Variants in CRTAC1 observed in about 807,000 individuals in gnomAD.
CRTAC1 encodes cartilage acidic protein 1, also known as acidic secreted protein in cartilage.
Under a neutral mutation model 67.8 loss-of-function variants are expected in CRTAC1, and 37 were observed. The observed-to-expected ratio is 0.55, with a 90% CI of 0.42 to 0.72. CRTAC1 has a LOEUF of 0.72. Ranked by LOEUF, CRTAC1 falls within the 30% of genes least tolerant of loss-of-function variation. The probability of loss-of-function intolerance (pLI) is 0.00; values close to 1 mark genes in which losing one functional copy is unlikely to be tolerated. For synonymous variants in CRTAC1, 348 were observed against 371.0 expected (o/e 0.94, Z 0.71); for missense variants, 780 against 931.6 (o/e 0.84, Z 2.12).
At chr10:98,017,829 A>C (rs759719677) in intron 1 of CRTAC1, among the ~76,000 whole-genome samples, 185 of 151,840 alleles carry the variant, frequency 1.2e-3, no homozygotes, top group Middle Eastern at 6.8e-3. Flanking sequence ...GAGCCATCGT[A>C]TCTGCTAATA....
chr10:98,002,577 A>T (rs1842710213), intron 2 of CRTAC1, among the ~76,000 whole-genome samples: 1 of 151,670 alleles, frequency 6.6e-6, no homozygotes, highest in African/African-American at 2.4e-5. Flanking sequence ...GTCACTTATC[A>T]CCTCACCCAA....
At chr10:98,000,459 G>A (rs73334650) in intron 2 of CRTAC1, among the ~76,000 whole-genome samples, 3,993 of 152,326 alleles carry the variant, frequency 0.026, 160 homozygotes, top group African/African-American at 0.09. Flanking sequence ...GGAGCTGCCC[G>A]CTCTGCAGTA....
chr10:97,907,218 T>C (rs1320777737), intron 6 of CRTAC1, among the ~76,000 whole-genome samples: 1 of 152,174 alleles, frequency 6.6e-6, no homozygotes, highest in African/African-American at 2.4e-5. Flanking sequence ...ATGTGGAGCC[T>C]GAAGAAGACG....
At chr10:97,969,720 T>G (rs2051677433) in intron 2 of CRTAC1, among the ~76,000 whole-genome samples, 1 of 151,760 alleles carries the variant, frequency 6.6e-6, no homozygotes, top group Admixed American at 6.6e-5. Context: ...ATGCCTTATC[T>G]CCCCACCCAG....
chr10:97,932,527 AG>A (rs1383194005), intron 3 of CRTAC1, among the ~76,000 whole-genome samples: 1 of 152,164 alleles, frequency 6.6e-6, no homozygotes, highest in Non-Finnish European at 1.5e-5. Context: ...TTAAGGGCAC[AG>A]GGGGTAATGG....
At chr10:97,889,133 G>C (rs1402639793) in intron 11 of CRTAC1, among the ~76,000 whole-genome samples, 7 of 150,866 alleles carry the variant, frequency 4.6e-5, no homozygotes, top group East Asian at 2.0e-4. Context: ...GGAGGGAAGG[G>C]GGGGAGGGGG....
chr10:98,029,297 TC>T lies in CRTAC1; in HGVS notation c.24+1151del, dbSNP rs1349256412. On this transcript the variant is annotated intron_variant, in intron 1 of 14. Transcript: ENST00000370597. This position sits in a 1 kb window ranked among gnomAD's most constrained non-coding sequence, Gnocchi z 4.7. ...CTTCCCACATGAGTTCTCCCCTGAC[TC>T]AAGAAAACACTATAGAACTGTCCCC... Among the ~76,000 whole-genome samples the T allele has an allele frequency of 6.6e-6, 1 of 152,106 alleles. No homozygotes were observed. Among genetic ancestry groups the T allele is most frequent in the East Asian group, 1.9e-4 (1 of 5,178 alleles).
At chr10:98,026,481 G>T (rs1281717860) in intron 1 of CRTAC1, among the ~76,000 whole-genome samples, 2 of 152,126 alleles carry the variant, frequency 1.3e-5, no homozygotes, top group African/African-American at 2.4e-5. Context: ...ATATTCCTCT[G>T]GTCTTATCCA....
chr10:98,011,484 C>T (rs989981915), intron 1 of CRTAC1, 147 bp from the exon 2 acceptor site: 2 of 804,022 alleles, frequency 2.5e-6, no homozygotes, highest in Admixed American at 4.9e-5. Context: ...TCCACAAGCC[C>T]TGCCCTCCCC....
intron 2 of CRTAC1, among the ~76,000 whole-genome samples, chr10:97,961,573 G>C (rs2051526501): frequency 6.6e-6 from 1 of 152,194 alleles, no homozygotes; most frequent in Non-Finnish European, 1.5e-5. Context: ...TGTGAACAGG[G>C]AGGAGACCGA....
rs531966394 is a variant in CRTAC1 at position 97,906,404 on chromosome 10, A to T, written c.851-1590T>A. Among the ~76,000 whole-genome samples the T allele has an allele frequency of 1.1e-4, 17 of 152,258 alleles. No homozygotes were observed. In the South Asian group the frequency reaches 3.5e-3, roughly 32 times the overall value. On this transcript the variant is annotated intron_variant, in intron 6 of 14. Transcript: ENST00000370597. ...GTGCCAGGCTGCATTTCACAGCAGC[A>T]TCTGTTTGGGTGATGAATGCCCTCT...
rs745925030 is a variant in CRTAC1 at position 97,879,739 on chromosome 10, G to C, written c.1819+510C>G. 23 of 1,549,986 alleles carry C rather than the reference G, an allele frequency of 1.5e-5. No homozygotes were observed. The African/African-American group carries it at 2.7e-4, about 18-fold the overall frequency. ...AGGCCTAGAGAAAGATATGAGGCCC[G>C]AGAGAGAGGCTCAGAGATTCTAGAG... On this transcript the variant is annotated intron_variant, in intron 14 of 14. Transcript: ENST00000370597.
chr10:98,020,280 T>C (rs754291795), intron 1 of CRTAC1, among the ~76,000 whole-genome samples: 12 of 152,168 alleles, frequency 7.9e-5, no homozygotes, highest in Admixed American at 2.6e-4. Flanking sequence ...GCAAGTACTA[T>C]ACGAGGAATG....
chr10:97,893,332 T>C (rs963568078), intron 11 of CRTAC1, among the ~76,000 whole-genome samples: 8 of 152,208 alleles, frequency 5.3e-5, no homozygotes, highest in African/African-American at 1.9e-4. Context: ...ATTCCTTTTA[T>C]ATTAAAATGG....
chr10:97,944,991 C>A (rs913885932), intron 2 of CRTAC1, among the ~76,000 whole-genome samples: 1 of 152,144 alleles, frequency 6.6e-6, no homozygotes. Context: ...TCCAGATGAG[C>A]CCTTTCCAAA....
chr10:97,955,270 A>G (rs1446170811), intron 2 of CRTAC1, among the ~76,000 whole-genome samples: 1 of 152,244 alleles, frequency 6.6e-6, no homozygotes, highest in Non-Finnish European at 1.5e-5. Flanking sequence ...CCCTGAGTAG[A>G]AGAGGGGGAG....
chr10:97,889,260 C>A (rs1341933022), intron 11 of CRTAC1, among the ~76,000 whole-genome samples: 1 of 151,972 alleles, frequency 6.6e-6, no homozygotes, highest in Non-Finnish European at 1.5e-5. Context: ...GAGTGAGCTG[C>A]CTCAGCCCGC....
chr10:97,931,659 C>A (rs4917795), intron 3 of CRTAC1, among the ~76,000 whole-genome samples: 133,471 of 152,276 alleles, frequency 0.88, 59,281 homozygotes, highest in South Asian at 0.96. Context: ...CACATAGCAG[C>A]TCTTCAATCA....
chr10:97,911,643 C>T (rs957521734), intron 5 of CRTAC1, among the ~76,000 whole-genome samples: 18 of 152,318 alleles, frequency 1.2e-4, no homozygotes, highest in South Asian at 8.3e-4. Flanking sequence ...CATAGGGAAA[C>T]GACTCCCAGG....
Sources: gnomAD v4.1 joint callset for allele counts (sites outside exome capture counted in the v4.1 genomes callset) on GRCh38, gnomAD v4.1.1 for gene constraint, Gnocchi (gnomAD v3.1) non-coding constraint, MANE v1.5 for transcripts, NCBI Gene and HGNC (gene_info 2026-07-23, HGNC 2026-07-21) for gene names.